The following TNFAIP8 variants were observed in gnomAD, a reference collection of about 807,000 sequenced individuals.
TNFAIP8 encodes tumor necrosis factor alpha-induced protein 8.
TNFAIP8 carries 7 observed loss-of-function variants against 13.3 expected under a neutral mutation model. The observed-to-expected ratio is 0.52, with a 90% CI of 0.30 to 0.99. The LOEUF is 0.99. Ranked by LOEUF, TNFAIP8 falls within the 50% of genes least tolerant of loss-of-function variation. The probability of loss-of-function intolerance (pLI) is 0.07; values close to 1 mark genes in which losing one functional copy is unlikely to be tolerated. For missense variants in TNFAIP8, 258 were observed against 236.9 expected, an observed-to-expected ratio of 1.09 and a Z score of -0.58; for synonymous variants, 94 against 87.6, an observed-to-expected ratio of 1.07 and a Z score of -0.41.
intron 1 of TNFAIP8, among the ~76,000 whole-genome samples, chr5:119,270,884 C>T (rs1274289546): frequency 6.6e-6 from 1 of 152,164 alleles, no homozygotes; most frequent in African/African-American, 2.4e-5. Flanking sequence ...GCATAGTGAT[C>T]CTGCACAAAT....
At chr5:119,388,134 A>C (rs1172464866) in intron 1 of TNFAIP8, among the ~76,000 whole-genome samples, 1 of 152,228 alleles carries the variant, frequency 6.6e-6, no homozygotes, top group African/African-American at 2.4e-5. Context: ...AGTTCAAGTC[A>C]GAACTACACC....
intron 1 of TNFAIP8, among the ~76,000 whole-genome samples, chr5:119,344,570 T>C (rs1039548012): frequency 1.3e-5 from 2 of 152,342 alleles, no homozygotes; most frequent in Non-Finnish European, 2.9e-5. Flanking sequence ...CCAATTCTTG[T>C]GTGGCAGGTA....
chr5:119,268,870 C>T (rs1368555871), exon 1 of TNFAIP8: 1 of 703,212 alleles, frequency 1.4e-6, no homozygotes, highest in Non-Finnish European at 2.6e-6. Flanking sequence ...GCCCAGCTCG[C>T]GCTTCAGCGT....
At chr5:119,334,576 A>C (rs768991601) in intron 1 of TNFAIP8, among the ~76,000 whole-genome samples, 2 of 150,222 alleles carry the variant, frequency 1.3e-5, no homozygotes, top group African/African-American at 2.5e-5. Flanking sequence ...ATTTATAGTA[A>C]ATGTACATTC....
intron 1 of TNFAIP8, among the ~76,000 whole-genome samples, chr5:119,297,647 T>G (rs1377163754): frequency 1.3e-5 from 2 of 152,188 alleles, no homozygotes; most frequent in African/African-American, 4.8e-5. Flanking sequence ...CTGAGTTCAA[T>G]TCCTGGGTAT....
intron 1 of TNFAIP8, among the ~76,000 whole-genome samples, chr5:119,298,437 C>T (rs900901108): frequency 2.0e-5 from 3 of 151,526 alleles, no homozygotes; most frequent in East Asian, 3.9e-4. Context: ...TATTGGCCCC[C>T]ACTCTCTTCT....
chr5:119,310,957 T>C (rs147738786), intron 1 of TNFAIP8, among the ~76,000 whole-genome samples: 20 of 152,330 alleles, frequency 1.3e-4, no homozygotes, highest in African/African-American at 4.8e-4. Flanking sequence ...AAAAGCATTA[T>C]ACTCCAAAGC....
intron 1 of TNFAIP8, among the ~76,000 whole-genome samples, chr5:119,368,428 A>AGC (rs1562023116): frequency 1.1e-5 from 1 of 94,388 alleles, no homozygotes; most frequent in Non-Finnish European, 2.2e-5. Flanking sequence ...TATTCTAAGC[A>AGC]GCGTGTGTGT....
At chr5:119,284,680 AG>A (rs1748725041) in intron 1 of TNFAIP8, among the ~76,000 whole-genome samples, 1 of 150,860 alleles carries the variant, frequency 6.6e-6, no homozygotes, top group East Asian at 1.9e-4. Context: ...GGCTCCATCT[AG>A]AAAAAAAAAA....
intron 1 of TNFAIP8, among the ~76,000 whole-genome samples, chr5:119,386,441 C>T (rs1752675750): frequency 6.6e-6 from 1 of 152,186 alleles, no homozygotes; most frequent in South Asian, 2.1e-4. Context: ...TATAAAATAG[C>T]TAAGCGAAGG....
At chr5:119,351,034 G>A (rs1033741418), upstream of TNFAIP8, among the ~76,000 whole-genome samples, 399 of 131,176 alleles carry the variant, frequency 3.0e-3, no homozygotes, top group African/African-American at 0.012. Flanking sequence ...GTGTGTGTGT[G>A]TAGAGAGAGA....
chr5:119,297,528 A>G (rs1004161534), intron 1 of TNFAIP8, among the ~76,000 whole-genome samples: 6 of 152,096 alleles, frequency 3.9e-5, no homozygotes, highest in Non-Finnish European at 2.9e-5. Flanking sequence ...ACTTCCAACT[A>G]TGTGGTCAAT....
At chr5:119,355,847 G>C (rs955275669), upstream of TNFAIP8, 7 of 1,051,738 alleles carry the variant, frequency 6.7e-6, no homozygotes, top group Non-Finnish European at 8.1e-6. Flanking sequence ...CTGCCGGCCC[G>C]AGCGCGCGGC....
At chr5:119,283,473 T>TA (rs903234304) in intron 1 of TNFAIP8, among the ~76,000 whole-genome samples, 2 of 151,834 alleles carry the variant, frequency 1.3e-5, no homozygotes, top group Non-Finnish European at 2.9e-5. Context: ...TTGTATTAAT[T>TA]AAAAAAAAGT....
At chr5:119,380,702 G>A (rs544467602) in intron 1 of TNFAIP8, among the ~76,000 whole-genome samples, 1 of 152,326 alleles carries the variant, frequency 6.6e-6, no homozygotes, top group Admixed American at 6.5e-5. Flanking sequence ...ATAAACAATT[G>A]TAGGATATTT....
chr5:119,391,514 C>T (rs1011065782), intron 1 of TNFAIP8: 23 of 679,446 alleles, frequency 3.4e-5, no homozygotes, highest in Non-Finnish European at 5.7e-5. Flanking sequence ...AATCCCAGCA[C>T]TTTGGGAGGC....
intron 1 of TNFAIP8, among the ~76,000 whole-genome samples, chr5:119,302,047 T>A (rs935837995): frequency 6.6e-6 from 1 of 152,224 alleles, no homozygotes; most frequent in African/African-American, 2.4e-5. Context: ...TGAAATAGTT[T>A]TAGTTGTTTC....
At chr5:119,347,580 T>A (rs1750951267) in intron 1 of TNFAIP8, among the ~76,000 whole-genome samples, 1 of 152,208 alleles carries the variant, frequency 6.6e-6, no homozygotes, top group Admixed American at 6.5e-5. Context: ...ACTTTGTGAA[T>A]CATAACTAGT....
chr5:119,346,161 C>G (rs1010184763), intron 1 of TNFAIP8, among the ~76,000 whole-genome samples: 8 of 152,038 alleles, frequency 5.3e-5, no homozygotes, highest in Admixed American at 5.2e-4. Flanking sequence ...AGAAATCTAC[C>G]CTCTAAGATG....
Sources: allele counts gnomAD v4.1 joint callset (sites outside exome capture counted in the v4.1 genomes callset), GRCh38; gene constraint gnomAD v4.1.1; transcripts MANE v1.5; gene names NCBI Gene and HGNC (gene_info 2026-07-23, HGNC 2026-07-21).